The following USP25 variants were observed in gnomAD, a reference collection of about 807,000 sequenced individuals.
The protein encoded by USP25 is ubiquitin carboxyl-terminal hydrolase 25.
Under a neutral mutation model 158.5 loss-of-function variants are expected in USP25, and 85 were observed. The observed-to-expected ratio is 0.54, with a 90% CI of 0.45 to 0.64. The LOEUF is 0.64. Ranked by LOEUF, USP25 falls within the 30% of genes least tolerant of loss-of-function variation. USP25 has a pLI of 0.00. For missense variants in USP25, 1,242 were observed against 1,327.3 expected (o/e 0.94, Z 1.00); for synonymous variants, 464 against 460.4 (o/e 1.01, Z -0.10).
intron 20 of USP25, among the ~76,000 whole-genome samples, chr21:15,850,976 T>TA (rs35328917): frequency 3.3e-5 from 5 of 151,970 alleles, no homozygotes; most frequent in African/African-American, 9.7e-5. Flanking sequence ...AATCTACTTC[T>TA]AAAAAAAGAA....
chr21:15,778,055 T>TA, intron 4 of USP25, 28 bp downstream of exon 4: 2 of 1,540,758 alleles, frequency 1.3e-6, no homozygotes, highest in Non-Finnish European at 1.7e-6. Flanking sequence ...ATAAAGCAGA[T>TA]ATAAGTACTT....
chr21:15,804,198 G>A (rs1253732156), intron 6 of USP25, among the ~76,000 whole-genome samples: 1 of 151,670 alleles, frequency 6.6e-6, no homozygotes, highest in Non-Finnish European at 1.5e-5. Context: ...TGGAGATTTT[G>A]CTTTAATGAG....
chr21:15,811,063 A>T, intron 8 of USP25, 74 bp from the exon 9 acceptor site: 1 of 1,316,938 alleles, frequency 7.6e-7, no homozygotes, highest in Non-Finnish European at 1.1e-6. Flanking sequence ...GTCATATGTT[A>T]TAGTTCTTTA....
intron 3 of USP25, among the ~76,000 whole-genome samples, chr21:15,767,044 A>G (rs908242186): frequency 6.6e-6 from 1 of 152,028 alleles, no homozygotes; most frequent in Non-Finnish European, 1.5e-5. Flanking sequence ...AAACTAGAAT[A>G]CTCCTGTCTC....
intron 23 of USP25, among the ~76,000 whole-genome samples, chr21:15,873,654 C>T (rs918823331): frequency 4.0e-5 from 6 of 151,820 alleles, no homozygotes; most frequent in South Asian, 2.1e-4. Flanking sequence ...TCACCATGCC[C>T]GGCTAATCTT....
intron 18 of USP25, 77 bp downstream of exon 18, chr21:15,842,617 T>C: frequency 6.5e-7 from 1 of 1,545,828 alleles, no homozygotes; most frequent in Non-Finnish European, 8.7e-7. Flanking sequence ...GAGGGACCTG[T>C]CAGGGAGTCA....
At chr21:15,872,462 A>G (rs1042780632) in intron 23 of USP25, among the ~76,000 whole-genome samples, 2 of 152,226 alleles carry the variant, frequency 1.3e-5, no homozygotes, top group African/African-American at 4.8e-5. Flanking sequence ...TTCAGGAGAG[A>G]TCTTCTTAAC....
intron 17 of USP25, among the ~76,000 whole-genome samples, chr21:15,835,133 A>G (rs772378739): frequency 6.6e-6 from 1 of 152,090 alleles, no homozygotes; most frequent in Non-Finnish European, 1.5e-5. Flanking sequence ...TATTCTTGTT[A>G]TTAGTGGGAG....
intron 20 of USP25, among the ~76,000 whole-genome samples, chr21:15,850,176 T>A (rs1053654811): frequency 2.0e-5 from 3 of 152,118 alleles, no homozygotes; most frequent in African/African-American, 7.2e-5. Flanking sequence ...AGGACATTAA[T>A]GAACAATAAT....
rs185897338 is a variant in USP25 at position 15,783,493 on chromosome 21, C to T, written c.392+5466C>T. ...TAAAAGCTGTAAGACAAAAACATTA[C>T]GTCACATATATGGGAATTCCCATTA... On this transcript the variant is annotated intron_variant, in intron 4 of 25. Coordinates refer to ENST00000400183, the MANE Select transcript of USP25 (RefSeq NM_001283041.3). 1.7e-3 allele frequency among the ~76,000 whole-genome samples: 265 copies of T among 152,212 alleles called. 1 individual carries two copies. The highest frequency in any genetic ancestry group is 1.1e-3 in the Non-Finnish European group (76 of 68,026).
At chr21:15,854,163 T>TTGTTC (rs201569772) in intron 20 of USP25, among the ~76,000 whole-genome samples, 11,285 of 152,188 alleles carry the variant, frequency 0.074, 489 homozygotes, top group East Asian at 0.099. Flanking sequence ...TTGTTTTGTT[T>TTGTTC]GAGGCAAAGT....
chr21:15,765,472 TG>T (rs2033986915), intron 2 of USP25, among the ~76,000 whole-genome samples: 1 of 143,878 alleles, frequency 7.0e-6, no homozygotes, highest in Admixed American at 6.8e-5. Context: ...TCTAGAGTTC[TG>T]TGTGTCTTTC....
chr21:15,872,017 T>G (rs1448966549), intron 23 of USP25, among the ~76,000 whole-genome samples: 4 of 131,756 alleles, frequency 3.0e-5, no homozygotes, highest in Admixed American at 1.5e-4. Context: ...AAATACTGTT[T>G]TTTTTTTTTT....
At chr21:15,768,747 A>T (rs2034180165) in intron 3 of USP25, among the ~76,000 whole-genome samples, 1 of 152,118 alleles carries the variant, frequency 6.6e-6, no homozygotes, top group Non-Finnish European at 1.5e-5. Flanking sequence ...TTTGTGTGAA[A>T]TACATTGTTA....
intron 17 of USP25, among the ~76,000 whole-genome samples, chr21:15,834,934 CTA>C (rs1389661512): frequency 1.3e-5 from 2 of 152,208 alleles, no homozygotes; most frequent in Non-Finnish European, 2.9e-5. Context: ...CAAGAGGTAT[CTA>C]AGCTCAAATC....
chr21:15,864,568 G>A (rs556527477), intron 21 of USP25, 122 bp downstream of exon 21: 15 of 944,910 alleles, frequency 1.6e-5, no homozygotes, highest in South Asian at 4.1e-5. Flanking sequence ...TAATAAATAC[G>A]TAACAAAATT....
Position 15,780,694 on chromosome 21 carries a change from A to G in USP25, c.392+2667A>G, listed in dbSNP as rs2123520806. Among the ~76,000 whole-genome samples the G allele has an allele frequency of 2.0e-5, 3 of 152,326 alleles. No individual in the cohort carries two copies. The South Asian group carries it at 6.2e-4, about 32-fold the overall frequency. On this transcript the variant is annotated intron_variant, in intron 4 of 25. Coordinates refer to ENST00000400183, the MANE Select transcript of USP25 (RefSeq NM_001283041.3). ...CCTGGAGTTGCCATTGGGGAAAGAA[A>G]GAAGGATCATGTCCAGGAATAGTCA...
intron 20 of USP25, among the ~76,000 whole-genome samples, chr21:15,861,268 A>C (rs2039416664): frequency 6.6e-6 from 1 of 152,142 alleles, no homozygotes; most frequent in South Asian, 2.1e-4. Context: ...GATAGGAGGG[A>C]GATCCTTGTT....
intron 20 of USP25, among the ~76,000 whole-genome samples, chr21:15,850,632 T>G (rs1436920453): frequency 2.6e-5 from 4 of 152,002 alleles, no homozygotes; most frequent in Non-Finnish European, 4.4e-5. Context: ...TTTGCTACAG[T>G]GAACTATGCA....
Sources: gnomAD v4.1 joint callset for allele counts (sites outside exome capture counted in the v4.1 genomes callset) on GRCh38, gnomAD v4.1.1 for gene constraint, MANE v1.5 for transcripts, NCBI Gene and HGNC (gene_info 2026-07-23, HGNC 2026-07-21) for gene names.